CADM2: variants seen among roughly 807,000 people sequenced by gnomAD.
CADM2 encodes the protein immunoglobulin superfamily member 4D.
CADM2 carries 12 observed loss-of-function variants against 49.8 expected under a neutral mutation model. The ratio of observed to expected loss-of-function variants is 0.24; its 90% CI spans 0.15 to 0.39. The LOEUF is 0.39. CADM2 is among the 10% of genes least tolerant of loss of function. CADM2 has a pLI of 1.00. For synonymous variants in CADM2, 214 were observed against 175.4 expected (o/e 1.22, Z -1.74); for missense variants, 378 against 492.3 (o/e 0.77, Z 2.20).
At chr3:85,954,566 C>T (rs1723814736) in intron 7 of CADM2, among the ~76,000 whole-genome samples, 1 of 151,016 alleles carries the variant, frequency 6.6e-6, no homozygotes, top group Non-Finnish European at 1.5e-5. Flanking sequence ...AATATTTCTC[C>T]TCTTCTCCTT....
intron 1 of CADM2, among the ~76,000 whole-genome samples, chr3:85,591,169 A>G (rs2107342959): frequency 6.6e-6 from 1 of 152,096 alleles, no homozygotes; most frequent in Middle Eastern, 3.4e-3. Flanking sequence ...CCTGTTATTC[A>G]TCTGAGCAGT....
chr3:86,033,433 T>C (rs1051611881), intron 8 of CADM2, among the ~76,000 whole-genome samples: 20 of 151,870 alleles, frequency 1.3e-4, no homozygotes, highest in Non-Finnish European at 2.5e-4. Flanking sequence ...GGATTATCAG[T>C]GGATGATCCA....
chr3:84,959,810 A>T, intron 1 of CADM2, 142 bp downstream of exon 1: 1 of 778,124 alleles, frequency 1.3e-6, no homozygotes, highest in Non-Finnish European at 2.1e-6. Flanking sequence ...CTGGTGCGGC[A>T]GGGGGCAGTG....
intron 1 of CADM2, among the ~76,000 whole-genome samples, chr3:85,274,091 A>G (rs940189441): frequency 3.3e-5 from 5 of 151,472 alleles, no homozygotes; most frequent in Admixed American, 1.3e-4. Flanking sequence ...GAGAATTGCA[A>G]ATAGGATTTA....
chr3:85,438,878 G>A (rs2037054402), intron 1 of CADM2, among the ~76,000 whole-genome samples: 1 of 151,836 alleles, frequency 6.6e-6, no homozygotes, highest in African/African-American at 2.4e-5. Context: ...TGTAGAAATA[G>A]GCTCTCACTA....
chr3:85,465,126 G>A (rs1201821792), intron 1 of CADM2, among the ~76,000 whole-genome samples: 1 of 152,080 alleles, frequency 6.6e-6, no homozygotes, highest in South Asian at 2.1e-4. Context: ...CTCCAGCCTG[G>A]GAGACAGAAC....
At chr3:85,188,924 G>C (rs1160500539) in intron 1 of CADM2, among the ~76,000 whole-genome samples, 1 of 151,834 alleles carries the variant, frequency 6.6e-6, no homozygotes, top group African/African-American at 2.4e-5. Context: ...CCAGCTACTC[G>C]GGAGGCTGAG....
chr3:85,439,793 T>G (rs1374385533), intron 1 of CADM2, among the ~76,000 whole-genome samples: 1 of 152,140 alleles, frequency 6.6e-6, no homozygotes, highest in African/African-American at 2.4e-5. Context: ...GGTATTTGCA[T>G]TCTGAAAATT....
intron 1 of CADM2, among the ~76,000 whole-genome samples, chr3:85,565,245 A>G (rs1301894995): frequency 1.3e-5 from 2 of 152,100 alleles, no homozygotes; most frequent in African/African-American, 4.8e-5. Context: ...ATACTTTGAA[A>G]TATAATTTGA....
intron 1 of CADM2, among the ~76,000 whole-genome samples, chr3:85,700,850 C>T (rs531242387): frequency 6.6e-6 from 1 of 152,178 alleles, no homozygotes; most frequent in Non-Finnish European, 1.5e-5. Context: ...TCATCTTCCT[C>T]TCTTCTTCTG....
rs1364836419 is a variant in CADM2, at chr3:85,975,417, AT to A, written c.970+13774del. On this transcript the variant is annotated intron_variant, in intron 8 of 9. Transcript: ENST00000383699. Reference sequence around the variant, plus strand: ...ATTAATGAGAGTATTTTAAATTCTGATTTTGATGAACTTCATTGAAATTTAT... The same window carrying A: ...ATTAATGAGAGTATTTTAAATTCTGATTTGATGAACTTCATTGAAATTTAT... Among the ~76,000 whole-genome samples, 4 of 151,314 alleles carry A rather than the reference AT, an allele frequency of 2.6e-5. No homozygotes were observed. The Admixed American group carries it at 2.6e-4, about 10-fold the overall frequency.
Position 85,749,447 on chromosome 3 carries a change from A to G in CADM2, c.88+22899A>G, listed in dbSNP as rs184890863. ...CATAACCCATTTTTTCCTACTTATC[A>G]TTACATTATTAAATGCTTTAATGAA... On this transcript the variant is annotated intron_variant, in intron 2 of 9. Coordinates refer to ENST00000383699, the MANE Select transcript of CADM2 (RefSeq NM_001167675.2). Among the ~76,000 whole-genome samples the G allele has an allele frequency of 2.6e-5, 4 of 152,058 alleles. No individual in the cohort carries two copies. In the East Asian group the frequency reaches 5.8e-4, roughly 22 times the overall value.
chr3:85,875,639 G>GA (rs1289066761), intron 3 of CADM2, among the ~76,000 whole-genome samples: 1 of 152,070 alleles, frequency 6.6e-6, no homozygotes, highest in South Asian at 2.1e-4. Context: ...GATTTCAACT[G>GA]AAAAAAACAT....
chr3:85,349,059 C>T (rs953862503), intron 1 of CADM2, among the ~76,000 whole-genome samples: 1 of 152,052 alleles, frequency 6.6e-6, no homozygotes, highest in Non-Finnish European at 1.5e-5. Context: ...TTCAGAGTTT[C>T]CCTGTATGGC....
intron 1 of CADM2, among the ~76,000 whole-genome samples, chr3:85,668,601 G>T (rs982577177): frequency 1.3e-5 from 2 of 151,968 alleles, no homozygotes; most frequent in African/African-American, 4.8e-5. Context: ...TTAAAAATGG[G>T]AGTTTCCCTG....
At chr3:85,737,998 A>T (rs2068214949) in intron 2 of CADM2, among the ~76,000 whole-genome samples, 1 of 152,152 alleles carries the variant, frequency 6.6e-6, no homozygotes, top group Admixed American at 6.5e-5. Flanking sequence ...GAGTTCACTT[A>T]ATAAGCATGC....
chr3:84,994,387 A>G (rs1302271667), intron 1 of CADM2, among the ~76,000 whole-genome samples: 2 of 152,126 alleles, frequency 1.3e-5, no homozygotes, highest in African/African-American at 4.8e-5. Flanking sequence ...CTTAGGCTAT[A>G]TTTATAGCAA....
At chr3:84,959,994 G>C (rs2030306666) in intron 1 of CADM2, 3 of 464,762 alleles carry the variant, frequency 6.5e-6, no homozygotes, top group East Asian at 7.6e-5. Context: ...GTGCCTCTCT[G>C]AACATTCCAC....
intron 1 of CADM2, among the ~76,000 whole-genome samples, chr3:84,983,478 A>G (rs1417296973): frequency 6.6e-6 from 1 of 152,146 alleles, no homozygotes; most frequent in Non-Finnish European, 1.5e-5. Context: ...TATTATAAAT[A>G]CCACAGATAC....
Sources: allele counts gnomAD v4.1 joint callset (sites outside exome capture counted in the v4.1 genomes callset), GRCh38; gene constraint gnomAD v4.1.1; transcripts MANE v1.5; gene names NCBI Gene and HGNC (gene_info 2026-07-23, HGNC 2026-07-21).